Variants in BMPER observed in about 807,000 individuals in gnomAD.
The protein encoded by BMPER is BMP-binding endothelial regulator protein.
Under a neutral mutation model 87.3 loss-of-function variants are expected in BMPER, and 45 were observed. That is an observed-to-expected ratio of 0.52 (90% confidence interval 0.41 to 0.66). The LOEUF (loss-of-function observed/expected upper bound fraction) is 0.66, where lower values mean the gene tolerates loss of function less well. Among genes scored for constraint, BMPER ranks in the 30% least tolerant of loss-of-function variants. The probability of loss-of-function intolerance (pLI) is 0.00; values close to 1 mark genes in which losing one functional copy is unlikely to be tolerated. For missense variants in BMPER, 784 were observed against 867.5 expected, an observed-to-expected ratio of 0.90 and a Z score of 1.21; for synonymous variants, 326 against 316.2, an observed-to-expected ratio of 1.03 and a Z score of -0.33.
chr7:33,917,889 C>A (rs1460384429), intron 2 of BMPER, among the ~76,000 whole-genome samples: 1 of 152,080 alleles, frequency 6.6e-6, no homozygotes, highest in Non-Finnish European at 1.5e-5. Context: ...CTGTGGGTGA[C>A]CTCAGAAAGG....
intron 3 of BMPER, among the ~76,000 whole-genome samples, chr7:33,943,297 T>C (rs1207587851): frequency 6.6e-6 from 1 of 152,172 alleles, no homozygotes; most frequent in African/African-American, 2.4e-5. Context: ...TCTTTTGCAG[T>C]TTGCTTTGGC....
At chr7:33,958,399 T>C (rs1785196213) in intron 3 of BMPER, among the ~76,000 whole-genome samples, 1 of 152,222 alleles carries the variant, frequency 6.6e-6, no homozygotes, top group African/African-American at 2.4e-5. Context: ...AGGCTTAGCA[T>C]AGTTGGTAGC....
At chr7:33,995,366 A>G (rs910365336) in intron 6 of BMPER, among the ~76,000 whole-genome samples, 4 of 152,238 alleles carry the variant, frequency 2.6e-5, no homozygotes, top group Middle Eastern at 6.8e-3. Flanking sequence ...AAATACAATT[A>G]GAAGTGGAGG....
intron 6 of BMPER, among the ~76,000 whole-genome samples, chr7:33,979,565 T>G (rs1307443363): frequency 6.6e-6 from 1 of 152,136 alleles, no homozygotes; most frequent in African/African-American, 2.4e-5. Context: ...GAAAGAGTAA[T>G]GTTTCCTCTT....
chr7:34,081,327 A>C (rs894921032), intron 12 of BMPER, among the ~76,000 whole-genome samples: 1 of 152,242 alleles, frequency 6.6e-6, no homozygotes, highest in Non-Finnish European at 1.5e-5. Context: ...AAAAATTTAT[A>C]AGCTCATGTG....
chr7:34,006,048 T>A (rs1243731318), intron 6 of BMPER, among the ~76,000 whole-genome samples: 2 of 152,022 alleles, frequency 1.3e-5, no homozygotes, highest in Non-Finnish European at 1.5e-5. Context: ...AAAGGGGTAT[T>A]CCCCTGCATG....
intron 4 of BMPER, among the ~76,000 whole-genome samples, chr7:33,967,726 A>C (rs1443584217): frequency 6.6e-6 from 1 of 152,218 alleles, no homozygotes; most frequent in Non-Finnish European, 1.5e-5. Flanking sequence ...CAAAATTTAT[A>C]CCACTTCACC....
rs145790246 is a variant in BMPER at position 34,046,362 on chromosome 7, C to A, written c.633C>A (p.His211Gln). ...EVCPILSCPQ[H>Q]LSHIPPGQCC... ...GTCCCATTCTCTCCTGTCCCCAGCA[C>A]CTTAGTCACATACCCCCAGGACAGT... is the stretch of plus-strand genomic sequence containing the variant. The change falls in exon 7 of 15, where the codon CAC becomes CAA. Residue 211 changes from histidine to glutamine, a missense_variant. By Grantham distance (24) the His-to-Gln change is conservative. Coordinates refer to ENST00000649409, the MANE Select transcript of BMPER (RefSeq NM_001365308.1). 6.2e-7 allele frequency: 1 copy of A among 1,614,078 alleles called. No individual in the cohort carries two copies. Among genetic ancestry groups the A allele is most frequent in the Non-Finnish European group, 8.5e-7 (1 of 1,179,976 alleles).
At chr7:34,089,950 G>A (rs1018207138) in intron 13 of BMPER, among the ~76,000 whole-genome samples, 3 of 151,664 alleles carry the variant, frequency 2.0e-5, no homozygotes, top group Non-Finnish European at 4.4e-5. Flanking sequence ...TTCTGTTTTG[G>A]GAATTTTTTT....
intron 11 of BMPER, among the ~76,000 whole-genome samples, chr7:34,065,143 T>A (rs1788541799): frequency 6.6e-6 from 1 of 151,938 alleles, no homozygotes; most frequent in African/African-American, 2.4e-5. Flanking sequence ...CTAATTTATA[T>A]CTTATTAAAA....
chr7:33,974,816 C>T (rs763898028), intron 6 of BMPER, 32 bp downstream of exon 6: 7 of 1,601,086 alleles, frequency 4.4e-6, no homozygotes, highest in Non-Finnish European at 6.0e-6. Flanking sequence ...CCCAGGGTGT[C>T]CTTTGGGCAA....
chr7:34,034,348 A>G (rs1204626397), intron 6 of BMPER, among the ~76,000 whole-genome samples: 4 of 152,172 alleles, frequency 2.6e-5, no homozygotes, highest in Non-Finnish European at 5.9e-5. Context: ...ATCTTTCAGT[A>G]GGAAGATGGA....
intron 6 of BMPER, among the ~76,000 whole-genome samples, chr7:34,027,255 A>C (rs1787381926): frequency 6.6e-6 from 1 of 152,226 alleles, no homozygotes; most frequent in Non-Finnish European, 1.5e-5. Context: ...ACACAAAGAC[A>C]CTATTTGCCT....
At chr7:34,151,368 G>A (rs1791171816) in intron 14 of BMPER, among the ~76,000 whole-genome samples, 2 of 152,214 alleles carry the variant, frequency 1.3e-5, no homozygotes, top group East Asian at 3.8e-4. Flanking sequence ...CACCCTCAAG[G>A]AGCTTACATT....
In BMPER at chr7:34,153,519, A is replaced by G. The variant is rs1489573295; in HGVS notation, c.*246A>G. 4.2e-6 allele frequency: 2 copies of G among 470,774 alleles called. No homozygotes were observed. Among genetic ancestry groups the G allele is most frequent in the East Asian group, 3.8e-5 (1 of 26,164 alleles). 29.2% of individuals were successfully genotyped at this position (470,774 alleles called of 1,614,324 possible). On this transcript the variant is annotated 3_prime_UTR_variant, in exon 15 of 15. Coordinates refer to ENST00000649409, the MANE Select transcript of BMPER (RefSeq NM_001365308.1). ...TTTCTAGGATCCTAACCTGTAAGCCATTGAACATGTTGTATAAATACACCA... is the reference window on the plus strand; with the variant it reads ...TTTCTAGGATCCTAACCTGTAAGCCGTTGAACATGTTGTATAAATACACCA...
At chr7:34,118,993 CACTG>C (rs1181696573) in intron 13 of BMPER, among the ~76,000 whole-genome samples, 22 of 140,766 alleles carry the variant, frequency 1.6e-4, no homozygotes, top group African/African-American at 6.0e-4. Context: ...CTCTCTCTCT[CACTG>C]TCTCTCTCTC....
chr7:34,142,245 G>A (rs144583854), intron 13 of BMPER, among the ~76,000 whole-genome samples: 79 of 152,206 alleles, frequency 5.2e-4, no homozygotes, highest in African/African-American at 1.7e-3. Flanking sequence ...ATAATAAAAA[G>A]GACACTCTTT....
At chr7:34,059,921 A>C (rs1295806615) in intron 10 of BMPER, among the ~76,000 whole-genome samples, 1 of 152,032 alleles carries the variant, frequency 6.6e-6, no homozygotes, top group African/African-American at 2.4e-5. Context: ...CCCCAGAGGC[A>C]AAGGAGTGCC....
chr7:34,044,996 A>G (rs1000833003), intron 6 of BMPER, among the ~76,000 whole-genome samples: 3 of 152,252 alleles, frequency 2.0e-5, no homozygotes, highest in Non-Finnish European at 4.4e-5. Context: ...GGTGTGAGGA[A>G]ATGCATCAGA....
Sources: allele counts gnomAD v4.1 joint callset (sites outside exome capture counted in the v4.1 genomes callset), GRCh38; gene constraint gnomAD v4.1.1; transcripts MANE v1.5; gene names NCBI Gene and HGNC (gene_info 2026-07-23, HGNC 2026-07-21).